The following RGS6 variants were observed in gnomAD, a reference collection of about 807,000 sequenced individuals.
RGS6 encodes regulator of G-protein signaling 6.
Under a neutral mutation model 78.5 loss-of-function variants are expected in RGS6, and 30 were observed. The ratio of observed to expected loss-of-function variants is 0.38; its 90% CI spans 0.29 to 0.52. RGS6 has a LOEUF of 0.52. Among genes scored for constraint, RGS6 ranks in the 20% least tolerant of loss-of-function variants. The pLI is 0.85. For missense variants in RGS6, 495 were observed against 609.7 expected (o/e 0.81, Z 1.98); for synonymous variants, 206 against 206.0 (o/e 1.00, Z 0.00).
chr14:72,471,781 T>C (rs2096083767), intron 8 of RGS6, among the ~76,000 whole-genome samples: 1 of 151,862 alleles, frequency 6.6e-6, no homozygotes, highest in South Asian at 2.1e-4. Flanking sequence ...GAGGTGCAGG[T>C]GGGAGAGTAG....
intron 3 of RGS6, among the ~76,000 whole-genome samples, chr14:72,392,936 G>A (rs1362777072): frequency 6.6e-6 from 1 of 152,160 alleles, no homozygotes; most frequent in Non-Finnish European, 1.5e-5. Context: ...ACATTACAAG[G>A]CCATTTGGCA....
intron 2 of RGS6, among the ~76,000 whole-genome samples, chr14:72,113,124 A>G (rs897291688): frequency 3.9e-5 from 6 of 152,046 alleles, no homozygotes; most frequent in Non-Finnish European, 8.8e-5. Context: ...ACCCCACTTC[A>G]TGCTTAGACA....
intron 3 of RGS6, among the ~76,000 whole-genome samples, chr14:72,376,565 A>G (rs150830592): frequency 6.6e-6 from 1 of 152,212 alleles, no homozygotes; most frequent in Non-Finnish European, 1.5e-5. Flanking sequence ...CAAAAGTCAA[A>G]GACAAACAGC....
chr14:72,400,423 C>T (rs1182104671), intron 3 of RGS6, among the ~76,000 whole-genome samples: 2 of 152,160 alleles, frequency 1.3e-5, no homozygotes, highest in Non-Finnish European at 2.9e-5. Flanking sequence ...TCACCCACCT[C>T]CTGATTTTTA....
intron 3 of RGS6, among the ~76,000 whole-genome samples, chr14:72,427,493 G>A (rs914965676): frequency 3.9e-5 from 6 of 152,172 alleles, no homozygotes; most frequent in Non-Finnish European, 8.8e-5. Flanking sequence ...AAAGTGAGGT[G>A]AGCCGACCAA....
At chr14:72,034,636 C>G (rs1392145053) in intron 2 of RGS6, among the ~76,000 whole-genome samples, 3 of 152,102 alleles carry the variant, frequency 2.0e-5, no homozygotes, top group Admixed American at 1.3e-4. Context: ...CTTGTAGTAT[C>G]TTTGTCTGCT....
the RGS6 span, among the ~76,000 whole-genome samples, chr14:71,901,279 A>G: frequency 1.3e-5 from 2 of 152,236 alleles, no homozygotes; most frequent in Admixed American, 6.5e-5. Context: ...TTAGAGTCAG[A>G]CTTCCTTGAA....
chr14:72,084,016 G>T (rs1567171387), intron 2 of RGS6, among the ~76,000 whole-genome samples: 1 of 152,240 alleles, frequency 6.6e-6, no homozygotes, highest in East Asian at 1.9e-4. Context: ...ATAGGTGTTT[G>T]CATTTCTTCC....
the RGS6 span, among the ~76,000 whole-genome samples, chr14:71,871,599 A>T: frequency 6.6e-6 from 1 of 151,766 alleles, no homozygotes; most frequent in African/African-American, 2.4e-5. Context: ...CTGACTGTAG[A>T]TTTTTTCCAT....
At chr14:72,197,563 A>G (rs1049944156) in intron 2 of RGS6, among the ~76,000 whole-genome samples, 2 of 152,180 alleles carry the variant, frequency 1.3e-5, no homozygotes, top group Non-Finnish European at 2.9e-5. Context: ...AGGGGACAAT[A>G]TATGGGTTAA....
chr14:71,990,721 C>G (rs746765845), intron 2 of RGS6: 15 of 455,934 alleles, frequency 3.3e-5, no homozygotes, highest in Middle Eastern at 3.2e-4. Flanking sequence ...CTCCTCTCTA[C>G]ATGCTGCATT....
At chr14:72,449,939 A>G (rs55842248) in intron 3 of RGS6, among the ~76,000 whole-genome samples, 32,955 of 152,170 alleles carry the variant, frequency 0.22, 3,831 homozygotes, top group Middle Eastern at 0.27. Context: ...TACCCATACC[A>G]TCTCCACTTT....
intron 2 of RGS6, among the ~76,000 whole-genome samples, chr14:72,251,926 C>T (rs1255089754): frequency 6.6e-6 from 1 of 152,162 alleles, no homozygotes; most frequent in Non-Finnish European, 1.5e-5. Context: ...TGGCCTTATA[C>T]ATTTTCTAAT....
intron 2 of RGS6, among the ~76,000 whole-genome samples, chr14:72,205,125 A>G (rs1347132158): frequency 6.6e-6 from 1 of 152,202 alleles, no homozygotes; most frequent in Non-Finnish European, 1.5e-5. Context: ...TATGGGGAGC[A>G]GAGCTTCCTG....
intron 8 of RGS6, among the ~76,000 whole-genome samples, chr14:72,472,359 G>T (rs1004333779): frequency 6.6e-6 from 1 of 152,130 alleles, no homozygotes; most frequent in Non-Finnish European, 1.5e-5. Context: ...TAGAAAGCCA[G>T]ATGGTGTAAG....
At chr14:72,568,825 G>A (rs915651566), downstream of RGS6, among the ~76,000 whole-genome samples, 6 of 152,152 alleles carry the variant, frequency 3.9e-5, no homozygotes, top group Admixed American at 6.5e-5. Flanking sequence ...ACCTGCCTCC[G>A]TCCTCTGAGA....
intron 17 of RGS6, chr14:72,547,440 C>A: frequency 1.1e-6 from 1 of 941,972 alleles, no homozygotes; most frequent in Non-Finnish European, 1.6e-6. Flanking sequence ...GGATGCTTCC[C>A]CCTTTTAAAA....
chr14:72,273,302 C>A (rs1025862696), intron 2 of RGS6, among the ~76,000 whole-genome samples: 1 of 152,156 alleles, frequency 6.6e-6, no homozygotes, highest in Non-Finnish European at 1.5e-5. Context: ...GGTCATTAGA[C>A]AATCTCCTCC....
chr14:72,323,149 A>G (rs1409801968), intron 2 of RGS6, among the ~76,000 whole-genome samples: 1 of 152,162 alleles, frequency 6.6e-6, no homozygotes, highest in Non-Finnish European at 1.5e-5. Flanking sequence ...ACAAAGAATC[A>G]CATGGAAAAA....
Sources: allele counts gnomAD v4.1 joint callset (sites outside exome capture counted in the v4.1 genomes callset), GRCh38; gene constraint gnomAD v4.1.1; transcripts MANE v1.5; gene names NCBI Gene and HGNC (gene_info 2026-07-23, HGNC 2026-07-21).